The following KIAA1217 variants were observed in gnomAD, a reference collection of about 807,000 sequenced individuals.
KIAA1217 encodes KIAA1217, also known as sickle tail protein homolog.
In KIAA1217, 88 loss-of-function variants were observed where a neutral mutation model predicts 163.9. The observed-to-expected ratio is 0.54, with a 90% confidence interval of 0.45 to 0.64. The LOEUF (loss-of-function observed/expected upper bound fraction) is 0.64, where lower values mean the gene tolerates loss of function less well. Ranked by LOEUF, KIAA1217 falls within the 30% of genes least tolerant of loss-of-function variation. The pLI is 0.00. For missense variants in KIAA1217, 2,372 were observed against 2,475.0 expected (o/e 0.96, Z 0.88); for synonymous variants, 903 against 923.1 (o/e 0.98, Z 0.39).
intron 2 of KIAA1217, among the ~76,000 whole-genome samples, chr10:24,319,840 A>G (rs2043908941): frequency 6.6e-6 from 1 of 152,238 alleles, no homozygotes; most frequent in African/African-American, 2.4e-5. Context: ...TTGCCAAAGC[A>G]CTTTAAGCCT....
chr10:24,099,559 C>T (rs1326793799), intron 2 of KIAA1217, among the ~76,000 whole-genome samples: 1 of 143,684 alleles, frequency 7.0e-6, no homozygotes, highest in Non-Finnish European at 1.5e-5. Flanking sequence ...GTATATGTGC[C>T]ACATTTTCTT....
intron 16 of KIAA1217, among the ~76,000 whole-genome samples, chr10:24,535,981 G>T (rs927339803): frequency 6.6e-6 from 1 of 151,862 alleles, no homozygotes; most frequent in Non-Finnish European, 1.5e-5. Flanking sequence ...AACCACTGTT[G>T]TCCATAAACT....
intron 9 of KIAA1217, among the ~76,000 whole-genome samples, chr10:24,502,129 G>A (rs2067711486): frequency 6.6e-6 from 1 of 151,946 alleles, no homozygotes. Context: ...GAGCCGAAAG[G>A]AGAGGGGCCA....
At chr10:24,060,656 C>T (rs993319420) in intron 2 of KIAA1217, among the ~76,000 whole-genome samples, 9 of 152,002 alleles carry the variant, frequency 5.9e-5, no homozygotes, top group African/African-American at 2.2e-4. Flanking sequence ...ATGAGATGTG[C>T]GTGGTGACAC....
chr10:24,419,990 C>T (rs533135761), intron 3 of KIAA1217, among the ~76,000 whole-genome samples: 140 of 151,938 alleles, frequency 9.2e-4, no homozygotes, highest in African/African-American at 3.2e-3. Flanking sequence ...ATCAATAACC[C>T]ACTGAGAACA....
intron 2 of KIAA1217, among the ~76,000 whole-genome samples, chr10:24,287,154 A>G (rs1345430800): frequency 6.6e-6 from 1 of 152,096 alleles, no homozygotes; most frequent in Non-Finnish European, 1.5e-5. Context: ...GGGTTGAAGC[A>G]ATTCTCTTGC....
chr10:24,095,385 C>A (rs1031517787), intron 2 of KIAA1217, among the ~76,000 whole-genome samples: 6 of 152,178 alleles, frequency 3.9e-5, no homozygotes, highest in Non-Finnish European at 8.8e-5. Flanking sequence ...ATGGCTCCAG[C>A]CCTCTAATGG....
intron 9 of KIAA1217, among the ~76,000 whole-genome samples, chr10:24,503,626 T>G (rs1425832273): frequency 6.6e-6 from 1 of 152,216 alleles, no homozygotes; most frequent in Non-Finnish European, 1.5e-5. Context: ...TTTCAATATT[T>G]CAAGCAAATC....
chr10:23,791,267 A>G (rs1835938826), intron 1 of KIAA1217, among the ~76,000 whole-genome samples: 1 of 152,216 alleles, frequency 6.6e-6, no homozygotes, highest in African/African-American at 2.4e-5. Context: ...AAACCTATAC[A>G]GAAGTTGAGA....
At chr10:23,978,431 T>C (rs1441219439) in intron 1 of KIAA1217, among the ~76,000 whole-genome samples, 1 of 152,196 alleles carries the variant, frequency 6.6e-6, no homozygotes, top group East Asian at 1.9e-4. Flanking sequence ...TCTTTTCTGA[T>C]ACTGGCTTGA....
At chr10:23,703,049 A>C (rs187755409) in intron 1 of KIAA1217, among the ~76,000 whole-genome samples, 65 of 152,056 alleles carry the variant, frequency 4.3e-4, no homozygotes, top group African/African-American at 1.4e-3. Context: ...CTTGATGCAA[A>C]GTGTGACCAG....
intron 1 of KIAA1217, among the ~76,000 whole-genome samples, chr10:23,896,979 A>ACT (rs950248461): frequency 5.9e-5 from 9 of 152,180 alleles, no homozygotes; most frequent in African/African-American, 2.2e-4. Flanking sequence ...TAATGAAAAC[A>ACT]CTTGTGGTAA....
intron 1 of KIAA1217, among the ~76,000 whole-genome samples, chr10:23,954,522 G>T (rs963041948): frequency 6.6e-6 from 1 of 151,806 alleles, no homozygotes; most frequent in African/African-American, 2.4e-5. Flanking sequence ...CCATGAGCAT[G>T]CCACTGCACT....
chr10:23,737,920 TG>T (rs11365166), intron 1 of KIAA1217, among the ~76,000 whole-genome samples: 34,738 of 151,942 alleles, frequency 0.23, 4,302 homozygotes, highest in African/African-American at 0.32. Flanking sequence ...ACTTACTGTG[TG>T]GCAAATTTAT....
chr10:23,921,201 G>A (rs145109508), intron 1 of KIAA1217, among the ~76,000 whole-genome samples: 44 of 152,266 alleles, frequency 2.9e-4, no homozygotes, highest in African/African-American at 9.9e-4. Context: ...TGGCAAATTT[G>A]TCTCTGGTGA....
intron 2 of KIAA1217, among the ~76,000 whole-genome samples, chr10:24,130,978 G>A (rs1326832577): frequency 6.6e-6 from 1 of 152,144 alleles, no homozygotes; most frequent in Non-Finnish European, 1.5e-5. Context: ...AGATTGGTGA[G>A]ATAGTGATTA....
chr10:24,276,318 T>C (rs1216293774), intron 2 of KIAA1217, among the ~76,000 whole-genome samples: 2 of 152,224 alleles, frequency 1.3e-5, no homozygotes, highest in Non-Finnish European at 2.9e-5. Flanking sequence ...AAAATGAAAG[T>C]CTTTTCAGAA....
intron 2 of KIAA1217, among the ~76,000 whole-genome samples, chr10:24,232,879 G>A (rs564612848): frequency 7.3e-6 from 1 of 136,696 alleles, no homozygotes. Flanking sequence ...ACTTTGGGAG[G>A]CTGAGGCAGG....
intron 2 of KIAA1217, among the ~76,000 whole-genome samples, chr10:24,155,553 G>A (rs1564765906): frequency 6.6e-6 from 1 of 152,162 alleles, no homozygotes; most frequent in Non-Finnish European, 1.5e-5. Context: ...GGGTGCAGTG[G>A]CTGATGCCTA....
Sources: allele counts gnomAD v4.1 joint callset (sites outside exome capture counted in the v4.1 genomes callset), GRCh38; gene constraint gnomAD v4.1.1; transcripts MANE v1.5; gene names NCBI Gene and HGNC (gene_info 2026-07-23, HGNC 2026-07-21).